EPB41L4B: variants seen among roughly 807,000 people sequenced by gnomAD.
EPB41L4B encodes the protein erythrocyte membrane protein band 4.1 like 4B, also known as band 4.1-like protein 4B.
A neutral mutation model predicts 112.5 loss-of-function variants in EPB41L4B; 30 were observed. The ratio of observed to expected loss-of-function variants is 0.27; its 90% confidence interval spans 0.20 to 0.36. EPB41L4B has a LOEUF of 0.36. Among genes scored for constraint, EPB41L4B ranks in the 10% least tolerant of loss-of-function variants. The pLI is 1.00. For missense variants in EPB41L4B, 1,024 were observed against 1,133.3 expected (o/e 0.90, Z 1.38); for synonymous variants, 408 against 439.7 (o/e 0.93, Z 0.90).
intron 1 of EPB41L4B, among the ~76,000 whole-genome samples, chr9:109,287,295 C>A (rs1320791866): frequency 6.6e-6 from 1 of 152,184 alleles, no homozygotes; most frequent in East Asian, 1.9e-4. Context: ...AATAAATGAA[C>A]TATCCTGACC....
chr9:109,244,562 C>T (rs1834479377), intron 14 of EPB41L4B, among the ~76,000 whole-genome samples: 1 of 148,052 alleles, frequency 6.8e-6, no homozygotes, highest in African/African-American at 2.5e-5. Flanking sequence ...CCTCAGTCTC[C>T]TGGGTAGCTG....
At chr9:109,274,279 A>T (rs1156384888) in intron 2 of EPB41L4B, among the ~76,000 whole-genome samples, 1 of 152,092 alleles carries the variant, frequency 6.6e-6, no homozygotes, top group Non-Finnish European at 1.5e-5. Context: ...CTCCCAAGAG[A>T]GGAAGGGAGG....
At chr9:109,179,789 C>T (rs542430393) in intron 24 of EPB41L4B, among the ~76,000 whole-genome samples, 2 of 152,232 alleles carry the variant, frequency 1.3e-5, no homozygotes, top group African/African-American at 2.4e-5. Context: ...CCTATCTGTG[C>T]ACTTCTGTCC....
At chr9:109,193,734 C>T (rs924210689) in intron 21 of EPB41L4B, among the ~76,000 whole-genome samples, 1 of 152,180 alleles carries the variant, frequency 6.6e-6, no homozygotes, top group Admixed American at 6.5e-5. Context: ...TTGTCATAGC[C>T]CATTCACATC....
chr9:109,180,818 G>A (rs987242581), intron 24 of EPB41L4B, among the ~76,000 whole-genome samples: 14 of 152,094 alleles, frequency 9.2e-5, no homozygotes, highest in South Asian at 4.2e-4. Context: ...TCTGGTTCCC[G>A]GGAGGAGGAC....
intron 24 of EPB41L4B, among the ~76,000 whole-genome samples, chr9:109,179,020 T>A: frequency 6.7e-6 from 1 of 149,630 alleles, no homozygotes; most frequent in East Asian, 2.0e-4. Flanking sequence ...AATGAGGAAA[T>A]GAATGAGTGA....
chr9:109,262,450 G>GTGTGT (rs879593106), intron 6 of EPB41L4B, among the ~76,000 whole-genome samples: 18 of 10,116 alleles, frequency 1.8e-3, no homozygotes, highest in South Asian at 4.9e-3. Context: ...GGTGTGTGTG[G>GTGTGT]GGGTGTGTGT....
intron 4 of EPB41L4B, 89 bp from the exon 5 acceptor site, chr9:109,265,113 C>A (rs1295119713): frequency 3.9e-6 from 4 of 1,017,288 alleles, no homozygotes; most frequent in Non-Finnish European, 5.9e-6. Context: ...CCACCCCACA[C>A]ACAGCATGGA....
At chr9:109,205,005 G>T (rs534387903) in intron 18 of EPB41L4B, among the ~76,000 whole-genome samples, 2 of 152,162 alleles carry the variant, frequency 1.3e-5, no homozygotes, top group Non-Finnish European at 2.9e-5. Context: ...ATGCTTCTGT[G>T]TTCCTATGAA....
At chr9:109,307,015 G>T (rs1004013222) in intron 1 of EPB41L4B, among the ~76,000 whole-genome samples, 118 of 124,392 alleles carry the variant, frequency 9.5e-4, no homozygotes, top group South Asian at 2.7e-3. Context: ...TGCTGCAGTT[G>T]TTTTTTTTTT....
At chr9:109,241,237 A>G in intron 15 of EPB41L4B, 1 of 987,872 alleles carries the variant, frequency 1.0e-6, no homozygotes, top group Non-Finnish European at 1.2e-6. Flanking sequence ...AATGAAGGGG[A>G]AATGACTCGT....
chr9:109,289,154 G>A (rs936248515), intron 1 of EPB41L4B, among the ~76,000 whole-genome samples: 6 of 152,114 alleles, frequency 3.9e-5, no homozygotes, highest in African/African-American at 1.4e-4. Flanking sequence ...CCTGGTGTCA[G>A]GGACTCTGCA....
At chr9:109,205,959 C>T (rs1431050720) in intron 18 of EPB41L4B, among the ~76,000 whole-genome samples, 2 of 152,080 alleles carry the variant, frequency 1.3e-5, no homozygotes, top group Non-Finnish European at 2.9e-5. Flanking sequence ...ATATCACAAC[C>T]CCCAAATAAA....
intron 6 of EPB41L4B, among the ~76,000 whole-genome samples, chr9:109,260,466 G>C (rs910379793): frequency 4.9e-5 from 7 of 144,124 alleles, no homozygotes; most frequent in African/African-American, 1.8e-4. Flanking sequence ...CCAGGCTGGA[G>C]TGCAGTAATG....
In EPB41L4B at chr9:109,320,217, G is replaced by A. The variant is rs1335915916; in HGVS notation, c.230C>T (p.Ala77Val). The part of the protein sequence containing the change: ...LTGGAAVHIS[A>V]AGAAKATLYC... Reference sequence around the variant, plus strand: ...GAGGGTGGCCTTGGCGGCGCCGGCGGCGGAGATGTGCACGGCCGCGCCGCC... The same window carrying A: ...GAGGGTGGCCTTGGCGGCGCCGGCGACGGAGATGTGCACGGCCGCGCCGCC... The change falls in exon 1 of 26, where the codon GCC becomes GTC. Residue 77 changes from alanine (A) to valine (V), a missense_variant. Physicochemically the swap from Ala to Val is moderately conservative, Grantham distance 64. Transcript: ENST00000374566. 4.2e-6 allele frequency: 6 copies of A among 1,421,414 alleles called. No homozygotes were observed. Among genetic ancestry groups the A allele is most frequent in the Admixed American group, 2.7e-5 (1 of 36,434 alleles). 88.1% of individuals were successfully genotyped at this position (1,421,414 alleles called of 1,614,324 possible).
chr9:109,305,437 G>A (rs144114282), intron 1 of EPB41L4B, among the ~76,000 whole-genome samples: 2 of 152,244 alleles, frequency 1.3e-5, no homozygotes, highest in East Asian at 1.9e-4. Context: ...TGGCTCACAT[G>A]GTGAAACCCG....
chr9:109,233,095 T>A (rs1834008736), intron 15 of EPB41L4B, among the ~76,000 whole-genome samples: 1 of 152,110 alleles, frequency 6.6e-6, no homozygotes, highest in Non-Finnish European at 1.5e-5. Flanking sequence ...TAGGGGACGA[T>A]TAGGAGGTTT....
At chr9:109,314,529 G>A (rs946864110) in intron 1 of EPB41L4B, among the ~76,000 whole-genome samples, 4 of 149,632 alleles carry the variant, frequency 2.7e-5, no homozygotes, top group South Asian at 4.3e-4. Context: ...GCCAACCCCC[G>A]CCCCTTATTA....
At chr9:109,187,356 T>C (rs1056728258) in intron 22 of EPB41L4B, among the ~76,000 whole-genome samples, 1 of 152,164 alleles carries the variant, frequency 6.6e-6, no homozygotes, top group Non-Finnish European at 1.5e-5. Flanking sequence ...TATCTCACAA[T>C]GGTCTTCACG....
Sources: allele counts gnomAD v4.1 joint callset (sites outside exome capture counted in the v4.1 genomes callset), GRCh38; gene constraint gnomAD v4.1.1; transcripts MANE v1.5; gene names NCBI Gene and HGNC (gene_info 2026-07-23, HGNC 2026-07-21).